Variants in TYW1 observed in about 807,000 individuals in gnomAD.
TYW1 encodes tRNA-yW synthesizing protein 1 homolog, also known as S-adenosyl-L-methionine-dependent tRNA 4-demethylwyosine synthase TYW1.
Under a neutral mutation model 96.2 loss-of-function variants are expected in TYW1, and 46 were observed. The ratio of observed to expected loss-of-function variants is 0.48; its 90% CI spans 0.38 to 0.61. The LOEUF (loss-of-function observed/expected upper bound fraction) is 0.61, where lower values mean the gene tolerates loss of function less well. Among genes scored for constraint, TYW1 ranks in the 20% least tolerant of loss-of-function variants. TYW1 has a pLI of 0.00. For synonymous variants in TYW1, 274 were observed against 323.0 expected, an observed-to-expected ratio of 0.85 and a Z score of 1.63; for missense variants, 684 against 909.6, an observed-to-expected ratio of 0.75 and a Z score of 3.19.
chr7:67,213,674 G>A (rs1801116326), intron 15 of TYW1, among the ~76,000 whole-genome samples: 1 of 152,174 alleles, frequency 6.6e-6, no homozygotes, highest in Non-Finnish European at 1.5e-5. Context: ...GGTTAAGTCT[G>A]TGATCCATTT....
chr7:67,127,374 G>A (rs1462755904), intron 13 of TYW1, among the ~76,000 whole-genome samples: 1 of 151,858 alleles, frequency 6.6e-6, no homozygotes, highest in Non-Finnish European at 1.5e-5. Context: ...TGGCCAGGCT[G>A]GTCTTGAACT....
chr7:67,163,916 A>C (rs1314081773), intron 13 of TYW1, among the ~76,000 whole-genome samples: 1 of 152,034 alleles, frequency 6.6e-6, no homozygotes, highest in Non-Finnish European at 1.5e-5. Flanking sequence ...TGATCCGCCC[A>C]CCTTGGTCCC....
At chr7:67,132,622 T>C (rs1798117308) in intron 13 of TYW1, among the ~76,000 whole-genome samples, 1 of 152,180 alleles carries the variant, frequency 6.6e-6, no homozygotes, top group Admixed American at 6.5e-5. Context: ...ATTCATATTA[T>C]ATGCAACTAT....
At chr7:67,180,763 C>T (rs1191886738) in intron 13 of TYW1, among the ~76,000 whole-genome samples, 1 of 152,034 alleles carries the variant, frequency 6.6e-6, no homozygotes, top group Admixed American at 6.6e-5. Context: ...TTGCCTCAGC[C>T]TCCCAAGTAG....
In TYW1 at chr7:67,083,322, A is replaced by G. The variant is rs1208879901; in HGVS notation, c.1275-108A>G. On this transcript the variant is annotated intron_variant, in intron 10 of 15. Coordinates refer to ENST00000359626, the MANE Select transcript of TYW1 (RefSeq NM_018264.4). ...TATACATGGTTGAACTCTTAGGAGG[A>G]AACCAGTCCTGATTTTGTGATTTTT... 2.7e-6 allele frequency: 3 copies of G among 1,090,996 alleles called. No homozygotes were observed. The East Asian group carries it at 7.2e-5, about 26-fold the overall frequency. 67.6% of individuals were successfully genotyped at this position (1,090,996 alleles called of 1,614,324 possible).
intron 11 of TYW1, among the ~76,000 whole-genome samples, chr7:67,092,070 C>T (rs539358878): frequency 6.0e-4 from 92 of 152,270 alleles, no homozygotes; most frequent in African/African-American, 2.0e-3. Context: ...TCCTGTTAGC[C>T]CCAATGCTTG....
intron 12 of TYW1, among the ~76,000 whole-genome samples, chr7:67,112,489 G>A (rs1416343435): frequency 6.6e-6 from 1 of 151,998 alleles, no homozygotes; most frequent in Non-Finnish European, 1.5e-5. Flanking sequence ...GGTGGTGCGT[G>A]CCTGTAGAAC....
chr7:67,001,357 A>G (rs950098368), intron 3 of TYW1, among the ~76,000 whole-genome samples: 1 of 151,936 alleles, frequency 6.6e-6, no homozygotes, highest in Non-Finnish European at 1.5e-5. Flanking sequence ...GTAGATAGCC[A>G]TCTTCCATCT....
chr7:67,196,026 T>C (rs990465854), intron 15 of TYW1, among the ~76,000 whole-genome samples: 8 of 152,136 alleles, frequency 5.3e-5, no homozygotes, highest in Non-Finnish European at 8.8e-5. Context: ...AAACATATGT[T>C]AGACGTCATT....
At chr7:67,090,533 A>G (rs1414135801) in intron 11 of TYW1, among the ~76,000 whole-genome samples, 1 of 152,192 alleles carries the variant, frequency 6.6e-6, no homozygotes, top group African/African-American at 2.4e-5. Flanking sequence ...TGTAATTGTG[A>G]TTATCCAAGA....
At chr7:67,001,567 G>A (rs1426352516) in intron 3 of TYW1, among the ~76,000 whole-genome samples, 1 of 151,376 alleles carries the variant, frequency 6.6e-6, no homozygotes, top group Non-Finnish European at 1.5e-5. Context: ...GACTATAGGC[G>A]CCCACCACTA....
At chr7:67,091,587 G>T (rs1796723225) in intron 11 of TYW1, among the ~76,000 whole-genome samples, 1 of 152,056 alleles carries the variant, frequency 6.6e-6, no homozygotes, top group Non-Finnish European at 1.5e-5. Flanking sequence ...AAATTTAGAG[G>T]CTGTTTCAAT....
chr7:67,020,918 C>T (rs575636469), intron 6 of TYW1, among the ~76,000 whole-genome samples: 6 of 152,380 alleles, frequency 3.9e-5, no homozygotes, highest in African/African-American at 9.6e-5. Context: ...ATCCCAGCTA[C>T]TCGGGAGGCT....
At chr7:67,056,756 C>G (rs1230189507) in intron 9 of TYW1, among the ~76,000 whole-genome samples, 1 of 152,124 alleles carries the variant, frequency 6.6e-6, no homozygotes, top group African/African-American at 2.4e-5. Context: ...CTTCACAAGA[C>G]TTTGTGAATG....
chr7:67,038,023 G>A (rs1255599319), intron 7 of TYW1, among the ~76,000 whole-genome samples: 2 of 152,180 alleles, frequency 1.3e-5, no homozygotes, highest in East Asian at 1.9e-4. Flanking sequence ...TGCTCGGGCC[G>A]AGCTTGGTGG....
intron 15 of TYW1, among the ~76,000 whole-genome samples, chr7:67,201,120 A>G (rs995132373): frequency 3.3e-5 from 5 of 151,876 alleles, no homozygotes; most frequent in African/African-American, 9.7e-5. Flanking sequence ...ATTGTCTGGC[A>G]GCATTACAGG....
At chr7:67,101,812 A>G (rs751593531) in intron 12 of TYW1, among the ~76,000 whole-genome samples, 5 of 152,160 alleles carry the variant, frequency 3.3e-5, no homozygotes, top group East Asian at 3.9e-4. Context: ...ATTTAATGTC[A>G]TAGGAAATCG....
At chr7:67,146,526 A>G (rs1461214881) in intron 13 of TYW1, among the ~76,000 whole-genome samples, 2 of 151,858 alleles carry the variant, frequency 1.3e-5, no homozygotes. Context: ...CAAGACCAAC[A>G]AAAGTGTAAA....
chr7:67,121,530 AGACTCT>A (rs1797760515), intron 13 of TYW1, among the ~76,000 whole-genome samples: 1 of 152,220 alleles, frequency 6.6e-6, no homozygotes, highest in Admixed American at 6.5e-5. Context: ...AACAAGAGCA[AGACTCT>A]GTCTCAAAAT....
Sources: allele counts gnomAD v4.1 joint callset (sites outside exome capture counted in the v4.1 genomes callset), GRCh38; gene constraint gnomAD v4.1.1; transcripts MANE v1.5; gene names NCBI Gene and HGNC (gene_info 2026-07-23, HGNC 2026-07-21).